The following SLC4A1AP variants were observed in gnomAD, a reference collection of about 807,000 sequenced individuals.
SLC4A1AP encodes kanadaptin.
A neutral mutation model predicts 89.7 loss-of-function variants in SLC4A1AP; 64 were observed. The ratio of observed to expected loss-of-function variants is 0.71; its 90% confidence interval spans 0.58 to 0.88. The LOEUF (loss-of-function observed/expected upper bound fraction) is 0.88, where lower values mean the gene tolerates loss of function less well. Ranked by LOEUF, SLC4A1AP falls within the 40% of genes least tolerant of loss-of-function variation. The probability of loss-of-function intolerance (pLI) is 0.00; values close to 1 mark genes in which losing one functional copy is unlikely to be tolerated. For synonymous variants in SLC4A1AP, 366 were observed against 353.3 expected, an observed-to-expected ratio of 1.04 and a Z score of -0.40; for missense variants, 931 against 965.0, an observed-to-expected ratio of 0.96 and a Z score of 0.47.
chr2:27,667,237 T>G (rs747292192), intron 2 of SLC4A1AP, 31 bp from the exon 3 acceptor site: 2 of 1,593,118 alleles, frequency 1.3e-6, no homozygotes, highest in Non-Finnish European at 8.5e-7. Context: ...TCATGTCTGA[T>G]TATCTTTTCT....
chr2:27,676,850 A>G (rs1162554125), intron 6 of SLC4A1AP, among the ~76,000 whole-genome samples: 1 of 149,070 alleles, frequency 6.7e-6, no homozygotes, highest in African/African-American at 2.5e-5. Context: ...AAAAAAAACT[A>G]TTAACTCTGG....
chr2:27,674,586 TTTTA>T (rs1452381190), intron 5 of SLC4A1AP, among the ~76,000 whole-genome samples: 1 of 152,122 alleles, frequency 6.6e-6, no homozygotes, highest in Non-Finnish European at 1.5e-5. Context: ...CTTTATTTTT[TTTTA>T]AAGTAACATA....
chr2:27,687,216 A>T (rs1232702619), intron 10 of SLC4A1AP, among the ~76,000 whole-genome samples: 1 of 152,110 alleles, frequency 6.6e-6, no homozygotes, highest in East Asian at 1.9e-4. Context: ...ATATGCCATA[A>T]TGTATTTAGT....
At chr2:27,682,201 CT>C (rs771786192) in intron 8 of SLC4A1AP, 46 bp from the exon 9 acceptor site, 5 of 1,270,538 alleles carry the variant, frequency 3.9e-6, no homozygotes, top group Admixed American at 2.3e-5. Context: ...TAGATAAAAC[CT>C]TGGGACTCCC....
chr2:27,692,624 T>C (rs1675805676), intron 12 of SLC4A1AP: 1 of 152,206 alleles, frequency 6.6e-6, no homozygotes, highest in Admixed American at 6.5e-5. Flanking sequence ...TGTCTTTCTC[T>C]TTTGTTAGGT....
intron 12 of SLC4A1AP, among the ~76,000 whole-genome samples, chr2:27,691,275 G>C (rs948725511): frequency 6.6e-6 from 1 of 151,918 alleles, no homozygotes; most frequent in African/African-American, 2.4e-5. Context: ...AGTCTAGGAG[G>C]GTTGTGTGTT....
At chr2:27,686,913 G>A (rs1174470207) in intron 10 of SLC4A1AP, among the ~76,000 whole-genome samples, 2 of 152,100 alleles carry the variant, frequency 1.3e-5, no homozygotes, top group Admixed American at 6.5e-5. Context: ...TGTTACCCAG[G>A]TTGGAGTACT....
chr2:27,676,698 T>C (rs1675529244), intron 6 of SLC4A1AP, among the ~76,000 whole-genome samples: 2 of 149,878 alleles, frequency 1.3e-5, no homozygotes, highest in African/African-American at 4.9e-5. Context: ...GGCGTGGTGG[T>C]GTGTGCCTGT....
exon 1 of SLC4A1AP, chr2:27,663,953 G>A (rs58106741): frequency 6.2e-7 from 1 of 1,614,124 alleles, no homozygotes; most frequent in East Asian, 2.2e-5. Flanking sequence ...CCCTGGCGTC[G>A]CAAGACCTCA....
At chr2:27,691,090 T>G (rs1282231870) in intron 12 of SLC4A1AP, among the ~76,000 whole-genome samples, 1 of 152,164 alleles carries the variant, frequency 6.6e-6, no homozygotes, top group Non-Finnish European at 1.5e-5. Flanking sequence ...TTCTCATTCT[T>G]TTGGAATACT....
intron 12 of SLC4A1AP, chr2:27,692,324 G>T (rs1675800882): frequency 6.6e-6 from 1 of 152,144 alleles, no homozygotes; most frequent in African/African-American, 2.4e-5. Flanking sequence ...TCCTTTTCAA[G>T]TTGGTTTCTA....
At chr2:27,668,235 G>T (rs532024753) in intron 3 of SLC4A1AP, among the ~76,000 whole-genome samples, 1 of 151,218 alleles carries the variant, frequency 6.6e-6, no homozygotes, top group African/African-American at 2.4e-5. Flanking sequence ...TGCAAGCTCC[G>T]CCTTCCGGAT....
intron 6 of SLC4A1AP, among the ~76,000 whole-genome samples, chr2:27,676,065 A>T (rs1337287969): frequency 6.6e-6 from 1 of 152,234 alleles, no homozygotes; most frequent in Non-Finnish European, 1.5e-5. Context: ...AGAATGTAGT[A>T]TGGTAATATG....
intron 5 of SLC4A1AP, 60 bp downstream of exon 5, chr2:27,669,447 C>A: frequency 2.1e-6 from 3 of 1,402,816 alleles, no homozygotes; most frequent in South Asian, 1.6e-5. Context: ...AACACAAACG[C>A]TAATAAAACT....
chr2:27,694,585 G>A, intron 13 of SLC4A1AP, 49 bp from the exon 14 acceptor site: 1 of 1,381,040 alleles, frequency 7.2e-7, no homozygotes, highest in East Asian at 2.4e-5. Flanking sequence ...TTTCTCTCCT[G>A]ACTTTGGAAG....
At chr2:27,683,865 A>G (rs1053315335) in intron 9 of SLC4A1AP, among the ~76,000 whole-genome samples, 1 of 152,032 alleles carries the variant, frequency 6.6e-6, no homozygotes, top group Non-Finnish European at 1.5e-5. Context: ...CTTCCCGAGT[A>G]GCTGGGATTA....
At chr2:27,666,868 TA>T (rs766887568) in intron 2 of SLC4A1AP, among the ~76,000 whole-genome samples, 133 of 61,864 alleles carry the variant, frequency 2.1e-3, no homozygotes, top group African/African-American at 4.9e-3. Context: ...TATATATATA[TA>T]TATTTTTTTT....
At chr2:27,692,221 G>T (rs1363294933) in intron 12 of SLC4A1AP, 1 of 152,094 alleles carries the variant, frequency 6.6e-6, no homozygotes, top group Non-Finnish European at 1.5e-5. Context: ...TTATTTTGAA[G>T]AATTTTTAAA....
chr2:27,669,491 T>C, intron 5 of SLC4A1AP, 104 bp downstream of exon 5: 3 of 1,191,238 alleles, frequency 2.5e-6, no homozygotes, highest in Non-Finnish European at 3.5e-6. Context: ...TTGTACAAAA[T>C]TTTTTGAAGT....
Sources: allele counts gnomAD v4.1 joint callset (sites outside exome capture counted in the v4.1 genomes callset), GRCh38; gene constraint gnomAD v4.1.1; transcripts MANE v1.5; gene names NCBI Gene and HGNC (gene_info 2026-07-23, HGNC 2026-07-21).